The following SNX29 variants were observed in gnomAD, a reference collection of about 807,000 sequenced individuals.
SNX29 encodes the protein sorting nexin 29.
In SNX29, 78 loss-of-function variants were observed where a neutral mutation model predicts 102.1. The observed-to-expected ratio is 0.76, with a 90% CI of 0.64 to 0.92. SNX29 has a LOEUF of 0.92. Among genes scored for constraint, SNX29 ranks in the 40% least tolerant of loss-of-function variants. The probability of loss-of-function intolerance (pLI) is 0.00; values close to 1 mark genes in which losing one functional copy is unlikely to be tolerated. For missense variants in SNX29, 1,280 were observed against 1,061.7 expected (o/e 1.21, Z -2.86); for synonymous variants, 580 against 414.5 (o/e 1.40, Z -4.85).
chr16:12,010,837 G>A (rs2056624074), intron 3 of SNX29, among the ~76,000 whole-genome samples: 1 of 151,780 alleles, frequency 6.6e-6, no homozygotes, highest in African/African-American at 2.4e-5. Flanking sequence ...GCCCTTTGTT[G>A]TTCCTGATGT....
intron 18 of SNX29, among the ~76,000 whole-genome samples, chr16:12,434,754 C>T (rs2151642122): frequency 6.6e-6 from 1 of 152,248 alleles, no homozygotes; most frequent in East Asian, 1.9e-4. Flanking sequence ...TCAGACAGGC[C>T]TTTGCTCCAG....
intron 11 of SNX29, among the ~76,000 whole-genome samples, chr16:12,093,362 C>T (rs1473665697): frequency 6.6e-6 from 1 of 152,180 alleles, no homozygotes; most frequent in Non-Finnish European, 1.5e-5. Flanking sequence ...GTAATCCCAA[C>T]ACTTTGGGAG....
intron 13 of SNX29, among the ~76,000 whole-genome samples, chr16:12,159,721 A>C (rs1179863621): frequency 1.3e-5 from 2 of 152,176 alleles, no homozygotes; most frequent in Admixed American, 6.5e-5. Context: ...TTTAGAAATA[A>C]AAATATAAAA....
In SNX29 at chr16:12,571,934, A is replaced by T. The variant is rs1005311929; in HGVS notation, c.*3305A>T. On this transcript the variant is annotated 3_prime_UTR_variant, in exon 21 of 21. Transcript: ENST00000566228. ...TACTGGCAGGCCCTGGTGAAGGAAGACACTTTCAGGGAAGAGGCTCTTACA... is the reference window on the plus strand; with the variant it reads ...TACTGGCAGGCCCTGGTGAAGGAAGTCACTTTCAGGGAAGAGGCTCTTACA... The T allele has an allele frequency of 9.4e-7, 1 of 1,062,016 alleles. No homozygotes were observed. The highest frequency in any genetic ancestry group is 1.6e-5 in the African/African-American group (1 of 60,864). 65.8% of individuals were successfully genotyped at this position (1,062,016 alleles called of 1,614,324 possible).
At chr16:12,046,483 G>T in intron 6 of SNX29, 29 bp downstream of exon 6, 1 of 1,611,980 alleles carries the variant, frequency 6.2e-7, no homozygotes, top group Non-Finnish European at 8.5e-7. Flanking sequence ...AGGGTGCAGG[G>T]CCTTGTGACA....
intron 9 of SNX29, among the ~76,000 whole-genome samples, chr16:12,065,420 T>C (rs182393301): frequency 6.9e-4 from 105 of 152,356 alleles, no homozygotes; most frequent in Non-Finnish European, 1.2e-3. Flanking sequence ...CATCCCTTCA[T>C]TGAGGGTCCT....
intron 20 of SNX29, among the ~76,000 whole-genome samples, chr16:12,562,982 G>T (rs77108528): frequency 0.26 from 39,579 of 151,938 alleles, 5,721 homozygotes; most frequent in East Asian, 0.44. Context: ...GAGGGCTGAT[G>T]CGTAAGAAAA....
chr16:12,098,998 G>A lies in SNX29; in HGVS notation c.1402+20083G>A, dbSNP rs1378009772. Among the ~76,000 whole-genome samples the A allele has an allele frequency of 6.6e-6, 1 of 152,178 alleles. No homozygotes were observed. Among genetic ancestry groups the A allele is most frequent in the Non-Finnish European group, 1.5e-5 (1 of 68,028 alleles). ...TACGGGACAGAAAGAGTGAGGGTGG[G>A]AACTGGGGAGTGGGGACCTACTTCA... is the stretch of plus-strand genomic sequence containing the variant. On this transcript the variant is annotated intron_variant, in intron 11 of 20. Transcript: ENST00000566228. The surrounding 1 kb of genome is among the most constrained non-coding windows in gnomAD (Gnocchi z 6.0).
At chr16:12,377,447 T>C in intron 16 of SNX29, among the ~76,000 whole-genome samples, 1 of 152,060 alleles carries the variant, frequency 6.6e-6, no homozygotes, top group Non-Finnish European at 1.5e-5. Flanking sequence ...ACATGTCACA[T>C]CTCTCTTATT....
intron 15 of SNX29, among the ~76,000 whole-genome samples, chr16:12,290,568 C>G (rs2079759475): frequency 6.6e-6 from 1 of 152,136 alleles, no homozygotes; most frequent in South Asian, 2.1e-4. Flanking sequence ...CTGGTTGATG[C>G]TTGTATGATT....
At chr16:12,480,196 T>C (rs1296185571) in intron 19 of SNX29, among the ~76,000 whole-genome samples, 3 of 152,210 alleles carry the variant, frequency 2.0e-5, no homozygotes, top group Non-Finnish European at 4.4e-5. Context: ...AACAAATTCA[T>C]TATCTTACAA....
intron 15 of SNX29, chr16:12,297,198 C>T (rs1567410201): frequency 6.6e-6 from 1 of 152,374 alleles, no homozygotes; most frequent in South Asian, 2.1e-4. Context: ...GGCCACGGCA[C>T]CTGTTGGGGT....
intron 14 of SNX29, among the ~76,000 whole-genome samples, chr16:12,202,144 G>T (rs141614758): frequency 0.029 from 4,396 of 152,200 alleles, 89 homozygotes; most frequent in African/African-American, 0.064. Flanking sequence ...ACATTCTTGT[G>T]TAAAAAGCCT....
intron 14 of SNX29, among the ~76,000 whole-genome samples, chr16:12,206,549 G>A (rs1309380686): frequency 1.3e-5 from 2 of 152,078 alleles, no homozygotes; most frequent in African/African-American, 2.4e-5. Context: ...GTACACGGGC[G>A]CTCCCATCCC....
intron 14 of SNX29, among the ~76,000 whole-genome samples, chr16:12,262,884 G>A (rs1322389571): frequency 1.3e-5 from 2 of 152,178 alleles, no homozygotes; most frequent in African/African-American, 4.8e-5. Flanking sequence ...ATGAGATCCT[G>A]TTCCTATTTG....
chr16:12,448,885 T>C (rs1181901019), intron 18 of SNX29, among the ~76,000 whole-genome samples: 1 of 152,160 alleles, frequency 6.6e-6, no homozygotes, highest in Non-Finnish European at 1.5e-5. Context: ...ACGGTAGTGA[T>C]TTGCTTTGGT....
chr16:12,560,156 A>G (rs1419061851), intron 20 of SNX29, among the ~76,000 whole-genome samples: 1 of 3,666 alleles, frequency 2.7e-4, no homozygotes, highest in African/African-American at 7.5e-4. Context: ...ACAAACAGTA[A>G]AGCCTTTCTC....
chr16:12,404,388 G>GTCTGCATGTCTGTCTTCCT (rs2084081980), intron 18 of SNX29, among the ~76,000 whole-genome samples: 1 of 152,034 alleles, frequency 6.6e-6, no homozygotes, highest in Admixed American at 6.5e-5. Flanking sequence ...CCCACAGCTC[G>GTCTGCATGTCTGTCTTCCT]TCTGCATGTC....
chr16:12,044,646 T>C (rs568239104), intron 5 of SNX29, among the ~76,000 whole-genome samples: 1 of 152,314 alleles, frequency 6.6e-6, no homozygotes, highest in Non-Finnish European at 1.5e-5. Context: ...TGGCGCGACC[T>C]TGGCTCACTG....
Sources: gnomAD v4.1 joint callset for allele counts (sites outside exome capture counted in the v4.1 genomes callset) on GRCh38, gnomAD v4.1.1 for gene constraint, Gnocchi (gnomAD v3.1) non-coding constraint, MANE v1.5 for transcripts, NCBI Gene and HGNC (gene_info 2026-07-23, HGNC 2026-07-21) for gene names.